TENT2: variants seen among roughly 807,000 people sequenced by gnomAD.
TENT2 encodes poly(A) RNA polymerase GLD2.
A neutral mutation model predicts 72.2 loss-of-function variants in TENT2; 44 were observed. That is an observed-to-expected ratio of 0.61 (90% CI 0.48 to 0.78). The LOEUF is 0.78. TENT2 is among the 30% of genes least tolerant of loss of function. The pLI, the probability that TENT2 is intolerant of heterozygous loss-of-function variation, is 0.00. For missense variants in TENT2, 541 were observed against 569.6 expected (o/e 0.95, Z 0.51); for synonymous variants, 212 against 192.5 (o/e 1.10, Z -0.84).
intron 10 of TENT2, among the ~76,000 whole-genome samples, chr5:79,655,707 C>T (rs1292268447): frequency 6.6e-6 from 1 of 150,528 alleles, no homozygotes; most frequent in Non-Finnish European, 1.5e-5. Context: ...ATATATATAT[C>T]CTTACTTTCT....
intron 12 of TENT2, among the ~76,000 whole-genome samples, chr5:79,676,163 T>TAC (rs59618310): frequency 0.018 from 2,604 of 147,412 alleles, 31 homozygotes; most frequent in South Asian, 0.079. Flanking sequence ...TATATATGTA[T>TAC]ACACACACAC....
At chr5:79,616,421 C>A (rs1055013217) in intron 1 of TENT2, among the ~76,000 whole-genome samples, 1 of 152,020 alleles carries the variant, frequency 6.6e-6, no homozygotes, top group African/African-American at 2.4e-5. Flanking sequence ...TCTTGAACTC[C>A]TGACCTTAGG....
intron 13 of TENT2, 42 bp downstream of exon 13, chr5:79,679,712 G>T: frequency 8.7e-7 from 1 of 1,143,840 alleles, no homozygotes; most frequent in South Asian, 2.1e-5. Context: ...ATGGTACTAA[G>T]AGAATTACTT....
chr5:79,644,085 G>A (rs553850823), intron 7 of TENT2, among the ~76,000 whole-genome samples: 15 of 151,768 alleles, frequency 9.9e-5, no homozygotes, highest in Admixed American at 7.9e-4. Context: ...TGGTTTAAGC[G>A]ATTCTCATGC....
In TENT2 at chr5:79,623,410, T is replaced by C. The variant is rs770946639; in HGVS notation, c.386T>C (p.Ile129Thr). The part of the protein sequence containing the change: ...PLFHTHYVPD[I>T]VRCVPPFREI... ...TTTCATACACATTATGTACCAGATATAGTCAGATGTGTTCCACCTTTTCGA... is the reference window on the plus strand; with the variant it reads ...TTTCATACACATTATGTACCAGATACAGTCAGATGTGTTCCACCTTTTCGA... Residue 129 changes from isoleucine (I) to threonine (T), a missense_variant, in exon 4 of 15, where the codon ATA (isoleucine) becomes ACA (threonine). Ile to Thr is a moderately conservative substitution (Grantham distance 89). Coordinates refer to ENST00000453514, the MANE Select transcript of TENT2 (RefSeq NM_001114394.3). The C allele has an allele frequency of 1.2e-5, 19 of 1,612,840 alleles. No homozygotes were observed. The highest frequency in any genetic ancestry group is 2.2e-5 in the East Asian group (1 of 44,812).
chr5:79,620,210 A>C, intron 3 of TENT2, 127 bp downstream of exon 3: 1 of 554,780 alleles, frequency 1.8e-6, no homozygotes, highest in Non-Finnish European at 3.1e-6. Context: ...CTGTACGATC[A>C]GATGAGTCAT....
rs1328561421 is a variant in TENT2, at chr5:79,686,405, GTAAATTTAAATA to G, written c.*1137_*1148del. On this transcript the variant is annotated 3_prime_UTR_variant, in exon 15 of 15. Coordinates refer to ENST00000453514, the MANE Select transcript of TENT2 (RefSeq NM_001114394.3). ...AATATTTGTAAATTGGTCAGTGCCTGTAAATTTAAATATAAAAAGTAACCTTGAAAACAGTTT... is the reference window on the plus strand; with the variant it reads ...AATATTTGTAAATTGGTCAGTGCCTGTAAAAAGTAACCTTGAAAACAGTTT... The G allele has an allele frequency of 1.3e-5, 2 of 151,888 alleles. No individual in the cohort carries two copies. Among genetic ancestry groups the G allele is most frequent in the Non-Finnish European group, 2.9e-5 (2 of 67,942 alleles). The allele number at this position is 151,888 out of a possible 1,614,324, so 9.4% of individuals were successfully genotyped here. A position where few individuals can be genotyped will look rare whatever the true frequency, so the allele number is the denominator to read the frequency against.
At chr5:79,676,007 T>G (rs1252190236) in intron 12 of TENT2, among the ~76,000 whole-genome samples, 1 of 151,788 alleles carries the variant, frequency 6.6e-6, no homozygotes. Flanking sequence ...AACTCTAGGA[T>G]TAGAGTAAAA....
At chr5:79,653,748 G>T (rs1005016363) in intron 10 of TENT2, among the ~76,000 whole-genome samples, 1 of 152,116 alleles carries the variant, frequency 6.6e-6, no homozygotes, top group Non-Finnish European at 1.5e-5. Context: ...TAAAATAGTT[G>T]CTTTTCTTGG....
chr5:79,624,783 A>G (rs1432172039), intron 4 of TENT2, among the ~76,000 whole-genome samples: 1 of 152,216 alleles, frequency 6.6e-6, no homozygotes, highest in Admixed American at 6.5e-5. Context: ...ATGAATATAC[A>G]TCACTTTGTT....
At position 79,616,446 on chromosome 5, in the gene TENT2, C is replaced by T. The variant is rs138988733; in HGVS notation, c.-37-3166C>T. ...CTGACCTTAGGTGATCCATCTGCTTCGGCCTCCCAAAGTGCTGGGATTATA... is the reference window on the plus strand; with the variant it reads ...CTGACCTTAGGTGATCCATCTGCTTTGGCCTCCCAAAGTGCTGGGATTATA... On this transcript the variant is annotated intron_variant, in intron 1 of 14. Coordinates refer to ENST00000453514, the MANE Select transcript of TENT2 (RefSeq NM_001114394.3). Among the ~76,000 whole-genome samples the T allele has an allele frequency of 5.3e-3, 812 of 152,036 alleles. 3 individuals carry two copies. Among genetic ancestry groups the T allele is most frequent in the South Asian group, 0.016 (77 of 4,820 alleles).
intron 4 of TENT2, among the ~76,000 whole-genome samples, chr5:79,637,092 G>T (rs536988776): frequency 6.6e-6 from 1 of 152,122 alleles, no homozygotes; most frequent in Non-Finnish European, 1.5e-5. Context: ...AAATTAACCA[G>T]ATGTGGTGCT....
chr5:79,643,308 T>C (rs141849480), intron 7 of TENT2, among the ~76,000 whole-genome samples: 23 of 152,324 alleles, frequency 1.5e-4, no homozygotes, highest in Non-Finnish European at 1.8e-4. Context: ...TGCAATGATA[T>C]GCATCTTTAC....
intron 4 of TENT2, among the ~76,000 whole-genome samples, chr5:79,639,561 C>T (rs1414706004): frequency 6.6e-6 from 1 of 150,734 alleles, no homozygotes. Flanking sequence ...TGTTGAGGCA[C>T]GATAAGAGAG....
intron 11 of TENT2, 41 bp from the exon 12 acceptor site, chr5:79,668,851 T>C: frequency 1.9e-6 from 3 of 1,585,078 alleles, no homozygotes; most frequent in Admixed American, 1.8e-5. Context: ...AGTGTGTGTT[T>C]TAAATGGCTT....
At chr5:79,657,026 T>G (rs1798440509) in intron 11 of TENT2, 25 bp downstream of exon 11, 1 of 1,459,494 alleles carries the variant, frequency 6.9e-7, no homozygotes, top group Non-Finnish European at 9.5e-7. Flanking sequence ...TAAATTATTA[T>G]AATACATTTT....
chr5:79,624,760 A>G (rs1768015387), intron 4 of TENT2, among the ~76,000 whole-genome samples: 1 of 152,224 alleles, frequency 6.6e-6, no homozygotes, highest in Non-Finnish European at 1.5e-5. Context: ...ATAGCTGAAT[A>G]ATACTCTATT....
chr5:79,680,482 C>A (rs1820797416), intron 13 of TENT2, among the ~76,000 whole-genome samples: 1 of 152,112 alleles, frequency 6.6e-6, no homozygotes, highest in Non-Finnish European at 1.5e-5. Context: ...AGGAAAAGAA[C>A]CCCACGATAC....
chr5:79,673,015 A>C (rs940660519), intron 12 of TENT2, among the ~76,000 whole-genome samples: 3 of 152,096 alleles, frequency 2.0e-5, no homozygotes, highest in Non-Finnish European at 4.4e-5. Context: ...ACCTCATTGC[A>C]GTTTTGATTT....
Sources: allele counts gnomAD v4.1 joint callset (sites outside exome capture counted in the v4.1 genomes callset), GRCh38; gene constraint gnomAD v4.1.1; transcripts MANE v1.5; gene names NCBI Gene and HGNC (gene_info 2026-07-23, HGNC 2026-07-21).